The following DLGAP1 variants were observed in gnomAD, a reference collection of about 807,000 sequenced individuals.
DLGAP1 encodes the protein disks large-associated protein 1.
In DLGAP1, 11 loss-of-function variants were observed where a neutral mutation model predicts 90.8. The observed-to-expected ratio is 0.12, with a 90% CI of 0.08 to 0.20. The LOEUF is 0.20. Ranked by LOEUF, DLGAP1 falls within the 10% of genes least tolerant of loss-of-function variation. The pLI is 1.00. For missense variants in DLGAP1, 1,050 were observed against 1,333.8 expected (o/e 0.79, Z 3.31); for synonymous variants, 558 against 540.7 (o/e 1.03, Z -0.44).
At chr18:4,416,601 C>T (rs138037081) in intron 1 of DLGAP1, among the ~76,000 whole-genome samples, 2 of 152,252 alleles carry the variant, frequency 1.3e-5, no homozygotes, top group African/African-American at 2.4e-5. Flanking sequence ...ACTCTAAATG[C>T]CCAAAGGCAA....
chr18:3,611,809 T>TA (rs1312025614), intron 7 of DLGAP1, among the ~76,000 whole-genome samples: 2 of 152,218 alleles, frequency 1.3e-5, no homozygotes, highest in African/African-American at 4.8e-5. Context: ...TTTGCCTCCA[T>TA]AGTCAGCACT....
chr18:4,320,552 A>C (rs1324595930), intron 1 of DLGAP1, among the ~76,000 whole-genome samples: 2 of 152,164 alleles, frequency 1.3e-5, no homozygotes, highest in Non-Finnish European at 2.9e-5. Flanking sequence ...GCAAGATGTG[A>C]AACACGGAAC....
chr18:3,572,947 C>A (rs2054896025), intron 8 of DLGAP1, among the ~76,000 whole-genome samples: 1 of 151,998 alleles, frequency 6.6e-6, no homozygotes, highest in African/African-American at 2.4e-5. Flanking sequence ...TTACTTCAGA[C>A]AGGAAATATG....
intron 1 of DLGAP1, among the ~76,000 whole-genome samples, chr18:4,361,369 A>C (rs761394709): frequency 3.9e-5 from 6 of 152,194 alleles, no homozygotes; most frequent in Non-Finnish European, 8.8e-5. Flanking sequence ...GTAAAGCTAC[A>C]GTAATCAAAA....
chr18:4,277,291 C>T (rs1337846525), intron 1 of DLGAP1, among the ~76,000 whole-genome samples: 2 of 152,162 alleles, frequency 1.3e-5, no homozygotes, highest in Non-Finnish European at 2.9e-5. Flanking sequence ...TGTTACTTAA[C>T]CTAAAACTTG....
At chr18:4,204,085 G>A (rs923425415) in intron 1 of DLGAP1, among the ~76,000 whole-genome samples, 5 of 152,182 alleles carry the variant, frequency 3.3e-5, no homozygotes, top group Non-Finnish European at 7.4e-5. Flanking sequence ...GTGAAAATAG[G>A]AAGTAACAGA....
At chr18:4,120,578 A>G (rs1408008312) in intron 2 of DLGAP1, among the ~76,000 whole-genome samples, 3 of 152,230 alleles carry the variant, frequency 2.0e-5, no homozygotes, top group African/African-American at 4.8e-5. Flanking sequence ...GGAGGTCTAT[A>G]GGTTTCGCCT....
intron 1 of DLGAP1, among the ~76,000 whole-genome samples, chr18:4,251,880 G>A (rs2078786566): frequency 6.6e-6 from 1 of 152,190 alleles, no homozygotes; most frequent in Non-Finnish European, 1.5e-5. Context: ...TCATTTATAT[G>A]GCTCTCCTTC....
At chr18:4,013,465 ATC>A (rs1162439728) in intron 2 of DLGAP1, among the ~76,000 whole-genome samples, 1 of 152,194 alleles carries the variant, frequency 6.6e-6, no homozygotes, top group African/African-American at 2.4e-5. Flanking sequence ...CACTTTGGAT[ATC>A]TGTTTGTGGT....
chr18:4,078,297 C>G (rs1568383570), intron 2 of DLGAP1, among the ~76,000 whole-genome samples: 1 of 152,160 alleles, frequency 6.6e-6, no homozygotes, highest in South Asian at 2.1e-4. Context: ...CACATTGGAA[C>G]AGCCAATGTG....
At chr18:4,265,855 T>C (rs911923394) in intron 1 of DLGAP1, among the ~76,000 whole-genome samples, 4 of 151,348 alleles carry the variant, frequency 2.6e-5, no homozygotes, top group Non-Finnish European at 5.9e-5. Flanking sequence ...ACCTGGCTAC[T>C]TTTTTTGTTT....
intron 7 of DLGAP1, among the ~76,000 whole-genome samples, chr18:3,634,921 T>A (rs1262704566): frequency 6.6e-6 from 1 of 152,214 alleles, no homozygotes; most frequent in African/African-American, 2.4e-5. Flanking sequence ...AACTTTATTA[T>A]CTGACATACA....
chr18:3,751,471 T>A (rs2063491393), intron 5 of DLGAP1, among the ~76,000 whole-genome samples: 1 of 151,826 alleles, frequency 6.6e-6, no homozygotes, highest in African/African-American at 2.4e-5. Flanking sequence ...TAATTAAAAT[T>A]TTTTTTTGTA....
intron 1 of DLGAP1, among the ~76,000 whole-genome samples, chr18:4,252,665 C>G (rs2078806469): frequency 6.6e-6 from 1 of 152,166 alleles, no homozygotes; most frequent in African/African-American, 2.4e-5. Flanking sequence ...ATATTCAAAA[C>G]AAAACAAAAC....
At chr18:4,253,220 C>T (rs915202249) in intron 1 of DLGAP1, among the ~76,000 whole-genome samples, 1 of 152,168 alleles carries the variant, frequency 6.6e-6, no homozygotes, top group Admixed American at 6.5e-5. Flanking sequence ...CCAATCAACT[C>T]CATTCATCCA....
chr18:3,696,587 G>A lies in DLGAP1; in HGVS notation c.1591+32548C>T, dbSNP rs149301450. On this transcript the variant is annotated intron_variant, in intron 7 of 12. Transcript: ENST00000315677. ...GGATAAGCTTTTTGAAGTGACACTT[G>A]GTTCGGTTTGCCAGTATTTTATTGA... is the stretch of plus-strand genomic sequence containing the variant. Among the ~76,000 whole-genome samples the A allele has an allele frequency of 5.3e-5, 8 of 152,264 alleles. No individual in the cohort carries two copies. The East Asian group carries it at 9.7e-4, about 18-fold the overall frequency.
intron 2 of DLGAP1, among the ~76,000 whole-genome samples, chr18:4,107,628 T>A (rs961474668): frequency 1.3e-5 from 2 of 152,236 alleles, no homozygotes; most frequent in African/African-American, 2.4e-5. Context: ...GAACTACACA[T>A]TTTAAATTGG....
intron 4 of DLGAP1, among the ~76,000 whole-genome samples, chr18:3,823,766 A>G (rs992192048): frequency 1.3e-5 from 2 of 151,938 alleles, no homozygotes; most frequent in African/African-American, 4.8e-5. Context: ...CCTGGCCAAC[A>G]TGGTAAAACC....
chr18:3,508,739 G>A (rs1397256410), intron 10 of DLGAP1, 78 bp from the exon 11 acceptor site: 4 of 1,200,286 alleles, frequency 3.3e-6, no homozygotes, highest in East Asian at 2.4e-5. Context: ...CAAAGAGGAA[G>A]TTATGCTGTA....
Sources: allele counts gnomAD v4.1 joint callset (sites outside exome capture counted in the v4.1 genomes callset), GRCh38; gene constraint gnomAD v4.1.1; transcripts MANE v1.5; gene names NCBI Gene and HGNC (gene_info 2026-07-23, HGNC 2026-07-21).